The following SGCZ variants were observed in gnomAD, a reference collection of about 807,000 sequenced individuals.
SGCZ encodes zeta-sarcoglycan.
A neutral mutation model predicts 41.3 loss-of-function variants in SGCZ; 40 were observed. That is an observed-to-expected ratio of 0.97 (90% CI 0.75 to 1.26). The LOEUF is 1.26. Ranked by LOEUF, SGCZ falls within the 50% of genes most tolerant of loss-of-function variation. SGCZ has a pLI of 0.00. For missense variants in SGCZ, 552 were observed against 369.8 expected (o/e 1.49, Z -4.04); for synonymous variants, 206 against 137.5 (o/e 1.50, Z -3.49).
chr8:14,609,569 T>A (rs1007630006), intron 1 of SGCZ, among the ~76,000 whole-genome samples: 1 of 152,150 alleles, frequency 6.6e-6, no homozygotes, highest in African/African-American at 2.4e-5. Flanking sequence ...CTATATGAGG[T>A]TCAGACACAT....
intron 1 of SGCZ, among the ~76,000 whole-genome samples, chr8:15,109,341 G>A (rs1246769023): frequency 6.6e-6 from 1 of 152,018 alleles, no homozygotes; most frequent in Non-Finnish European, 1.5e-5. Flanking sequence ...CATGTTTCTA[G>A]ATGTCACTCG....
At chr8:14,632,765 A>G (rs1806700917) in intron 1 of SGCZ, among the ~76,000 whole-genome samples, 1 of 152,046 alleles carries the variant, frequency 6.6e-6, no homozygotes, top group Non-Finnish European at 1.5e-5. Context: ...TTCTATATTG[A>G]TTTAAAGTCA....
At chr8:15,162,252 ATAGAT>A (rs199919766) in intron 1 of SGCZ, among the ~76,000 whole-genome samples, 6,485 of 152,270 alleles carry the variant, frequency 0.043, 335 homozygotes, top group African/African-American at 0.12. Flanking sequence ...GCATTAATCA[ATAGAT>A]TAAAGACACA....
At chr8:15,237,283 C>T (rs907513646) in intron 1 of SGCZ, among the ~76,000 whole-genome samples, 1 of 151,926 alleles carries the variant, frequency 6.6e-6, no homozygotes, top group Non-Finnish European at 1.5e-5. Flanking sequence ...CGGCAAGAGG[C>T]GCAGGGTCTG....
chr8:14,108,082 T>G, intron 6 of SGCZ, 81 bp downstream of exon 6: 1 of 1,137,488 alleles, frequency 8.8e-7, no homozygotes, highest in Non-Finnish European at 1.3e-6. Flanking sequence ...ATTTGTCTAG[T>G]TGTCTATTTT....
chr8:15,083,165 A>G (rs939801480), intron 1 of SGCZ, among the ~76,000 whole-genome samples: 2 of 152,240 alleles, frequency 1.3e-5, no homozygotes, highest in Non-Finnish European at 2.9e-5. Flanking sequence ...TTGGAATTGT[A>G]AAATGAAACT....
Position 14,090,353 on chromosome 8 carries a change from C to T in SGCZ, c.*90G>A, listed in dbSNP as rs1801648297. 7.1e-7 allele frequency: 1 copy of T among 1,418,268 alleles called. No individual in the cohort carries two copies. The highest frequency in any genetic ancestry group is 9.6e-7 in the Non-Finnish European group (1 of 1,046,070). The allele number at this position is 1,418,268 out of a possible 1,614,324, so 87.9% of individuals were successfully genotyped here. A position where few individuals can be genotyped will look rare whatever the true frequency, so the allele number is the denominator to read the frequency against. On this transcript the variant is annotated 3_prime_UTR_variant, in exon 8 of 8. Transcript: ENST00000382080. The stretch of plus-strand genomic sequence containing the variant: ...GCTCTGTGGACCATTCGAAGAAGCT[C>T]TGGACTGATCACAAGGGAAACCGAG...
chr8:14,127,100 A>G (rs1480201771), intron 5 of SGCZ, among the ~76,000 whole-genome samples: 1 of 152,166 alleles, frequency 6.6e-6, no homozygotes, highest in Non-Finnish European at 1.5e-5. Flanking sequence ...TAAGGTTTAC[A>G]TGGTTTACCT....
chr8:14,334,470 G>T lies in SGCZ; in HGVS notation c.235-10266C>A, dbSNP rs1314928036. Among the ~76,000 whole-genome samples the T allele has an allele frequency of 2.0e-5, 3 of 152,028 alleles. No homozygotes were observed. The East Asian group carries it at 5.8e-4, about 29-fold the overall frequency. ...TCCAGTCCTCTCACTCTTAGTCGGG[G>T]CAGGTACTACAGGTATAGAACATGT... On this transcript the variant is annotated intron_variant, in intron 2 of 7. Coordinates refer to ENST00000382080, the MANE Select transcript of SGCZ (RefSeq NM_139167.4).
intron 1 of SGCZ, among the ~76,000 whole-genome samples, chr8:14,641,664 T>C (rs1379615972): frequency 6.6e-6 from 1 of 151,692 alleles, no homozygotes; most frequent in East Asian, 1.9e-4. Flanking sequence ...CATTTTAAAA[T>C]ACATGATTTT....
intron 1 of SGCZ, among the ~76,000 whole-genome samples, chr8:14,805,184 T>A: frequency 2.2e-5 from 1 of 44,480 alleles, no homozygotes; most frequent in Admixed American, 3.3e-4. Flanking sequence ...ACGAGCAAAA[T>A]CACCAGCTAA....
chr8:14,960,981 C>T (rs939140533), intron 1 of SGCZ, among the ~76,000 whole-genome samples: 2 of 151,112 alleles, frequency 1.3e-5, no homozygotes, highest in Non-Finnish European at 3.0e-5. Context: ...AAGCAGAAAT[C>T]ACAAAGCCAA....
At chr8:14,883,620 A>T (rs1047944037) in intron 1 of SGCZ, among the ~76,000 whole-genome samples, 3 of 152,090 alleles carry the variant, frequency 2.0e-5, no homozygotes, top group Non-Finnish European at 4.4e-5. Context: ...TCTAGTTATT[A>T]ATATATGTTT....
At chr8:14,617,206 T>C (rs763929144) in intron 1 of SGCZ, among the ~76,000 whole-genome samples, 1 of 152,170 alleles carries the variant, frequency 6.6e-6, no homozygotes, top group African/African-American at 2.4e-5. Context: ...AAAGTAAGTA[T>C]TAATTATTGT....
At chr8:14,378,366 T>C (rs1054135805) in intron 2 of SGCZ, among the ~76,000 whole-genome samples, 2 of 152,172 alleles carry the variant, frequency 1.3e-5, no homozygotes, top group African/African-American at 2.4e-5. Context: ...GACATAGGCA[T>C]GGGCAAGGAC....
At chr8:14,554,975 A>C (rs775731372) in intron 1 of SGCZ, 49 bp from the exon 2 acceptor site, 2 of 1,477,946 alleles carry the variant, frequency 1.4e-6, no homozygotes, top group East Asian at 4.6e-5. Context: ...AAAAAGAAGC[A>C]TTAAAAAAAA....
At chr8:14,498,384 G>C (rs1334035701) in intron 2 of SGCZ, among the ~76,000 whole-genome samples, 1 of 151,970 alleles carries the variant, frequency 6.6e-6, no homozygotes, top group Non-Finnish European at 1.5e-5. Flanking sequence ...GATACATTTT[G>C]GTTGATATAC....
intron 2 of SGCZ, among the ~76,000 whole-genome samples, chr8:14,512,753 C>T (rs1249836986): frequency 1.3e-5 from 2 of 151,974 alleles, no homozygotes; most frequent in African/African-American, 4.8e-5. Flanking sequence ...GTGTGCATCA[C>T]CACACCCGGC....
At chr8:14,257,841 T>C (rs991272223) in intron 3 of SGCZ, among the ~76,000 whole-genome samples, 1 of 152,178 alleles carries the variant, frequency 6.6e-6, no homozygotes. Context: ...CTTTGGCAAT[T>C]TGTGTTAAGA....
Sources: gnomAD v4.1 joint callset for allele counts (sites outside exome capture counted in the v4.1 genomes callset) on GRCh38, gnomAD v4.1.1 for gene constraint, MANE v1.5 for transcripts, NCBI Gene and HGNC (gene_info 2026-07-23, HGNC 2026-07-21) for gene names.